MMP9: variants seen among roughly 807,000 people sequenced by gnomAD.
MMP9 encodes the protein matrix metallopeptidase 9.
MMP9 carries 73 observed loss-of-function variants against 76.4 expected under a neutral mutation model. The ratio of observed to expected loss-of-function variants is 0.96; its 90% confidence interval spans 0.79 to 1.16. MMP9 has a LOEUF of 1.16. Ranked by LOEUF, MMP9 falls within the 50% of genes most tolerant of loss-of-function variation. The pLI, the probability that MMP9 is intolerant of heterozygous loss-of-function variation, is 0.00. For synonymous variants in MMP9, 412 were observed against 408.4 expected, an observed-to-expected ratio of 1.01 and a Z score of -0.11; for missense variants, 943 against 973.0, an observed-to-expected ratio of 0.97 and a Z score of 0.41.
intron 12 of MMP9, 74 bp from the exon 13 acceptor site, chr20:46,016,176 C>G (rs1171697821): frequency 1.5e-6 from 2 of 1,370,998 alleles, no homozygotes; most frequent in African/African-American, 2.9e-5. Context: ...AGATGGTTGT[C>G]AAGATCTTGT....
At chr20:46,014,559 G>A in intron 12 of MMP9, 85 bp downstream of exon 12, 1 of 1,376,920 alleles carries the variant, frequency 7.3e-7, no homozygotes, top group Admixed American at 2.0e-5. Context: ...GGAAGAAAAA[G>A]CCCTTGGAAA....
rs1275416391 is a variant in MMP9, at chr20:46,013,647, G to C, written c.1611-10G>C. On this transcript the variant is annotated splice_polypyrimidine_tract_variant and intron_variant, in intron 9 of 12. Transcript: ENST00000372330. The surrounding 1 kb of genome is among the most constrained non-coding windows in gnomAD (Gnocchi z 4.5). ...CTTAGAGCCCGTCCTTTCCCTCCTCGCTTTCTCAGGAAGTACTGGCGATTC... is the reference window on the plus strand; with the variant it reads ...CTTAGAGCCCGTCCTTTCCCTCCTCCCTTTCTCAGGAAGTACTGGCGATTC... 6.2e-7 allele frequency: 1 copy of C among 1,613,908 alleles called. No homozygotes were observed. The highest frequency in any genetic ancestry group is 8.5e-7 in the Non-Finnish European group (1 of 1,179,972).
intron 5 of MMP9, 22 bp downstream of exon 5, chr20:46,011,338 G>C: frequency 1.3e-6 from 2 of 1,596,994 alleles, no homozygotes; most frequent in South Asian, 2.2e-5. Flanking sequence ...GGCTCGCCGA[G>C]GGCTGGGGGC....
intron 2 of MMP9, 140 bp from the exon 3 acceptor site, chr20:46,010,343 A>AAAAAAAAAAAAAAT: frequency 2.2e-6 from 2 of 926,568 alleles, no homozygotes; most frequent in Non-Finnish European, 3.3e-6. Context: ...AAAAAAAAAC[A>AAAAAAAAAAAAAAT]GTCTGGAAGC....
chr20:46,013,781 C>G lies in MMP9; in HGVS notation c.1735C>G (p.Leu579Val). 1 of 1,613,056 alleles carries G rather than the reference C, an allele frequency of 6.2e-7. No individual in the cohort carries two copies. Among genetic ancestry groups the G allele is most frequent in the South Asian group, 1.1e-5 (1 of 91,008 alleles). Residue 579 changes from leucine (L) to valine (V), a missense_variant, in exon 10 of 13, where the codon CTT becomes GTT. Transcript: ENST00000372330. The surrounding 1 kb of genome is among the most constrained non-coding windows in gnomAD (Gnocchi z 4.5). ...SVFEERLSKK[L>V]FFFSGRQVWV... is the part of the protein sequence containing the mutation. The stretch of plus-strand genomic sequence containing the variant: ...CTTTGAGGAGCGGCTCTCCAAGAAG[C>G]TTTTCTTCTTCTCTGGTTAGTTACC...
chr20:46,011,314 AGAGT>A lies in MMP9; in HGVS notation c.823+6_823+9del, dbSNP rs2084277452. 1.9e-6 allele frequency: 3 copies of A among 1,601,914 alleles called. No individual in the cohort carries two copies. Among genetic ancestry groups the A allele is most frequent in the Non-Finnish European group, 2.5e-6 (3 of 1,177,346 alleles). On this transcript the variant is annotated splice_donor_variant and coding_sequence_variant, in exon 5 of 13. Transcript: ENST00000372330. LOFTEE classifies it high-confidence loss of function. ...GACCGGTTTGGCTTCTGCCCCAGCG[AGAGT>A]GAGTGAGGGGGCTCGCCGAGGGCTG...
At position 46,010,926 on chromosome 20, in the gene MMP9, C is replaced by A; in HGVS notation, c.525C>A (p.His175Gln). 1 of 1,614,260 alleles carries A rather than the reference C, an allele frequency of 6.2e-7. No homozygotes were observed. Among genetic ancestry groups the A allele is most frequent in the Non-Finnish European group, 8.5e-7 (1 of 1,180,046 alleles). Reference protein sequence around the residue: ...DIVIQFGVAEHGDGYPFDGKD... With the variant: ...DIVIQFGVAEQGDGYPFDGKD... ...CCTCTCGACCTGTTTCTTCAGAGCA[C>A]GGAGACGGGTATCCCTTCGACGGGA... is the stretch of plus-strand genomic sequence containing the variant. The change falls in exon 4 of 13, where the codon CAC (histidine) becomes CAA (glutamine). Residue 175 changes from histidine to glutamine, a missense_variant. Transcript: ENST00000372330.
In MMP9 at chr20:46,010,983, T is replaced by G. The variant is rs779776020; in HGVS notation, c.582T>G (p.Pro194=). The change falls in exon 4 of 13, where the codon CCT becomes CCG. Residue 194 remains proline (P), a synonymous_variant. Coordinates refer to ENST00000372330, the MANE Select transcript of MMP9 (RefSeq NM_004994.3). ...GGCTCCTGGCACACGCCTTTCCTCC[T>G]GGCCCCGGCATTCAGGGAGACGCCC... ...KDGLLAHAFP[P]GPGIQGDAHF... is the part of the protein sequence containing the mutation. 1 of 1,614,234 alleles carries G rather than the reference T, an allele frequency of 6.2e-7. No homozygotes were observed. The highest frequency in any genetic ancestry group is 1.1e-5 in the South Asian group (1 of 91,088).
At chr20:46,012,654 G>GT in intron 8 of MMP9, 72 bp downstream of exon 8, 11 of 1,452,992 alleles carry the variant, frequency 7.6e-6, no homozygotes, top group East Asian at 2.5e-5. Context: ...AGAATTGGGG[G>GT]TTGGGGATCG....
At chr20:46,010,174 C>A in intron 2 of MMP9, 76 bp downstream of exon 2, 1 of 1,349,780 alleles carries the variant, frequency 7.4e-7, no homozygotes, top group Non-Finnish European at 1.0e-6. Flanking sequence ...GTGAACATGT[C>A]CTGTCTTGGA....
At chr20:46,011,539 C>T in intron 5 of MMP9, 35 bp from the exon 6 acceptor site, 2 of 1,613,350 alleles carry the variant, frequency 1.2e-6, no homozygotes, top group Non-Finnish European at 1.7e-6. Flanking sequence ...GCTGTCTCCG[C>T]CTTCTCCCCC....
Position 46,014,452 on chromosome 20 carries a change from G to T in MMP9, c.1983G>T (p.Thr661=). Residue 661 remains threonine, a synonymous_variant, in exon 12 of 13, where the codon ACG becomes ACT. Transcript: ENST00000372330. ...DRMFPGVPLD[T]HDVFQYREKA... is the part of the protein sequence containing the mutation. The stretch of plus-strand genomic sequence containing the variant: ...TGTTCCCCGGGGTGCCTTTGGACAC[G>T]CACGACGTCTTCCAGTACCGAGGTG... The T allele has an allele frequency of 6.4e-7, 1 of 1,550,426 alleles. No individual in the cohort carries two copies. The highest frequency in any genetic ancestry group is 8.7e-7 in the Non-Finnish European group (1 of 1,146,982).
rs146719297 is a variant in MMP9 at position 46,009,937 on chromosome 20, G to A, written c.210G>A (p.Ala70=). Residue 70 remains alanine (A), a synonymous_variant, in exon 2 of 13, where the codon GCG becomes GCA. Transcript: ENST00000372330. ...MRGESKSLGP[A]LLLLQKQLSL... The stretch of plus-strand genomic sequence containing the variant: ...GAGAGTCGAAATCTCTGGGGCCTGC[G>A]CTGCTGCTTCTCCAGAAGCAACTGT... 1.1e-5 allele frequency: 17 copies of A among 1,552,066 alleles called. No homozygotes were observed. The highest frequency in any genetic ancestry group is 2.7e-5 in the African/African-American group (2 of 73,056).
At position 46,013,602 on chromosome 20, in the gene MMP9, C is replaced by T. The variant is rs2084298853; in HGVS notation, c.1611-55C>T. 1 of 1,612,422 alleles carries T rather than the reference C, an allele frequency of 6.2e-7. No homozygotes were observed. Among genetic ancestry groups the T allele is most frequent in the South Asian group, 1.1e-5 (1 of 90,918 alleles). ...GAGGGGCTGCCCGTCCCTTCCCGCC[C>T]ACTGGCCCTGTGTCCAAGGCTTAGA... On this transcript the variant is annotated intron_variant, in intron 9 of 12. Coordinates refer to ENST00000372330, the MANE Select transcript of MMP9 (RefSeq NM_004994.3). This position sits in a 1 kb window ranked among gnomAD's most constrained non-coding sequence, Gnocchi z 4.5.
intron 1 of MMP9, among the ~76,000 whole-genome samples, chr20:46,009,587 G>A (rs1211340890): frequency 2.6e-5 from 4 of 152,052 alleles, no homozygotes; most frequent in African/African-American, 9.7e-5. Context: ...AGGAGTTTGA[G>A]CCCAGCCTAG....
chr20:46,014,784 C>G (rs1175797977), intron 12 of MMP9: 1 of 454,072 alleles, frequency 2.2e-6, no homozygotes, highest in African/African-American at 2.0e-5. Context: ...GTGCCAGGCA[C>G]TGTGCTACAG....
Position 46,011,476 on chromosome 20 carries a change from A to G in MMP9, c.824-98A>G. 3.8e-6 allele frequency: 6 copies of G among 1,569,416 alleles called. No homozygotes were observed. In the South Asian group the frequency reaches 5.6e-5, roughly 15 times the overall value. ...TGAGAAATGATGAGAGATGGGATGA[A>G]CTGCAGACCATCCATGGGTCAAAGA... is the stretch of plus-strand genomic sequence containing the variant. On this transcript the variant is annotated intron_variant, in intron 5 of 12. Transcript: ENST00000372330.
chr20:46,009,539 C>G (rs1414066447), intron 1 of MMP9, among the ~76,000 whole-genome samples: 1 of 152,100 alleles, frequency 6.6e-6, no homozygotes, highest in Non-Finnish European at 1.5e-5. Flanking sequence ...GTAATCCCAG[C>G]ACTTTGGGAG....
rs1318833669 is a variant in MMP9, at chr20:46,013,536, TGAG to T, written c.1610+7_1610+9del. 1 of 1,613,620 alleles carries T rather than the reference TGAG, an allele frequency of 6.2e-7. No homozygotes were observed. Among genetic ancestry groups the T allele is most frequent in the African/African-American group, 1.3e-5 (1 of 74,910 alleles). On this transcript the variant is annotated splice_donor_5th_base_variant and intron_variant, in intron 9 of 12. Coordinates refer to ENST00000372330, the MANE Select transcript of MMP9 (RefSeq NM_004994.3). The surrounding 1 kb of genome is among the most constrained non-coding windows in gnomAD (Gnocchi z 4.5). ...CCAGCTGTATTTGTTCAAGGATGGG[TGAG>T]GAGGCGGGGTTGTGTGGATGCGGGA...
Sources: allele counts gnomAD v4.1 joint callset (sites outside exome capture counted in the v4.1 genomes callset), GRCh38; gene constraint gnomAD v4.1.1; non-coding constraint Gnocchi (gnomAD v3.1); transcripts MANE v1.5; gene names NCBI Gene and HGNC (gene_info 2026-07-23, HGNC 2026-07-21).